Variants in ITPR2 observed in about 807,000 individuals in gnomAD.
ITPR2 encodes inositol 1,4,5-trisphosphate receptor type 2.
A neutral mutation model predicts 317.1 loss-of-function variants in ITPR2; 207 were observed. The ratio of observed to expected loss-of-function variants is 0.65; its 90% CI spans 0.58 to 0.73. The LOEUF is 0.73. ITPR2 is among the 30% of genes least tolerant of loss of function. The probability of loss-of-function intolerance (pLI) is 0.00; values close to 1 mark genes in which losing one functional copy is unlikely to be tolerated. For synonymous variants in ITPR2, 1,156 were observed against 1,149.1 expected, an observed-to-expected ratio of 1.01 and a Z score of -0.12; for missense variants, 2,613 against 3,284.0, an observed-to-expected ratio of 0.80 and a Z score of 4.99.
intron 37 of ITPR2, among the ~76,000 whole-genome samples, chr12:26,530,667 C>T (rs1034426162): frequency 1.3e-5 from 2 of 152,144 alleles, no homozygotes; most frequent in Non-Finnish European, 2.9e-5. Flanking sequence ...TTCAATTCTC[C>T]CCTACTGGGT....
At chr12:26,545,494 A>G (rs1944374814) in intron 37 of ITPR2, among the ~76,000 whole-genome samples, 1 of 152,182 alleles carries the variant, frequency 6.6e-6, no homozygotes, top group African/African-American at 2.4e-5. Context: ...AGAAAAGGCA[A>G]GGAAATGAAC....
intron 37 of ITPR2, among the ~76,000 whole-genome samples, chr12:26,526,033 G>A (rs1398230000): frequency 6.6e-6 from 1 of 152,076 alleles, no homozygotes; most frequent in African/African-American, 2.4e-5. Flanking sequence ...CCAGCTCTTT[G>A]CTCACACTCT....
Position 26,602,601 on chromosome 12 carries a change from T to C in ITPR2, c.3552+16A>G, listed in dbSNP as rs1391855788. ...GCAAATATAAACCTATATAAGAATA[T>C]TTTGTATCTGCCGACCTCCTTTACA... On this transcript the variant is annotated intron_variant, in intron 27 of 56. Coordinates refer to ENST00000381340, the MANE Select transcript of ITPR2 (RefSeq NM_002223.4). The C allele has an allele frequency of 1.3e-6, 2 of 1,594,872 alleles. No individual in the cohort carries two copies. The highest frequency in any genetic ancestry group is 8.6e-7 in the Non-Finnish European group (1 of 1,163,850).
chr12:26,510,730 A>C (rs1249895149), intron 37 of ITPR2, among the ~76,000 whole-genome samples: 1 of 152,244 alleles, frequency 6.6e-6, no homozygotes, highest in East Asian at 1.9e-4. Flanking sequence ...GAATTAAACT[A>C]ATATTTGATT....
chr12:26,672,169 G>C (rs1947791231), intron 13 of ITPR2, among the ~76,000 whole-genome samples: 1 of 151,988 alleles, frequency 6.6e-6, no homozygotes, highest in African/African-American at 2.4e-5. Context: ...AGGATACCCA[G>C]GAATTGAACT....
chr12:26,784,766 C>A (rs1326843733), intron 2 of ITPR2, among the ~76,000 whole-genome samples: 1 of 149,460 alleles, frequency 6.7e-6, no homozygotes, highest in African/African-American at 2.5e-5. Flanking sequence ...GCCACCACCC[C>A]GTCTGGGAAG....
Position 26,483,790 on chromosome 12 carries a change from C to T in ITPR2, c.5920G>A (p.Gly1974Ser), listed in dbSNP as rs1203704238. The T allele has an allele frequency of 6.2e-7, 1 of 1,614,086 alleles. No individual in the cohort carries two copies. Residue 1974 changes from glycine (G) to serine (S), a missense_variant, in exon 42 of 57, where the codon GGT (glycine) becomes AGT (serine). This residue lies in a region of ITPR2 where 926 missense variants were observed against 1,072.8 expected (regional missense o/e 0.86). Transcript: ENST00000381340. ...ACATTCTTCTCATTGATGTAGAGAC[C>T]CAACAGGCCCAGGCCACCGGTTGTA... The part of the protein sequence containing the change: ...GSTTGGLGLL[G>S]LYINEKNVAL...
At chr12:26,528,809 T>C (rs1352591274) in intron 37 of ITPR2, among the ~76,000 whole-genome samples, 1 of 152,246 alleles carries the variant, frequency 6.6e-6, no homozygotes, top group Non-Finnish European at 1.5e-5. Context: ...TGAACCCATT[T>C]GCTGTGCTGT....
intron 34 of ITPR2, among the ~76,000 whole-genome samples, chr12:26,567,990 ATATATATTATATATAT>A (rs1565609687): frequency 0.082 from 597 of 7,310 alleles, 38 homozygotes; most frequent in Middle Eastern, 0.25. Context: ...ATATATATAT[ATATATATTATATATAT>A]TATATATATA....
intron 52 of ITPR2, among the ~76,000 whole-genome samples, chr12:26,407,968 C>T (rs1382350489): frequency 6.6e-6 from 1 of 152,206 alleles, no homozygotes; most frequent in African/African-American, 2.4e-5. Flanking sequence ...GGCCAGAACA[C>T]ACTTCTCCCT....
chr12:26,402,625 C>T (rs3782291), intron 52 of ITPR2, among the ~76,000 whole-genome samples: 9,369 of 152,184 alleles, frequency 0.062, 406 homozygotes, highest in South Asian at 0.1. Flanking sequence ...AGGAGAACAC[C>T]CTGGTCAGGT....
chr12:26,424,859 A>C (rs1207276734), intron 49 of ITPR2, among the ~76,000 whole-genome samples: 1 of 152,090 alleles, frequency 6.6e-6, no homozygotes, highest in Non-Finnish European at 1.5e-5. Flanking sequence ...TCCTGGGTTC[A>C]AGCGATTCTC....
At chr12:26,646,348 G>A (rs748688998) in intron 21 of ITPR2, among the ~76,000 whole-genome samples, 4 of 150,268 alleles carry the variant, frequency 2.7e-5, no homozygotes, top group Non-Finnish European at 3.0e-5. Flanking sequence ...TTTCTGCCCC[G>A]CCCCTCTCAT....
intron 4 of ITPR2, among the ~76,000 whole-genome samples, chr12:26,724,356 G>A (rs1054747527): frequency 2.0e-5 from 3 of 152,104 alleles, no homozygotes; most frequent in African/African-American, 7.2e-5. Flanking sequence ...TTAATCTAAA[G>A]GACTATTTCA....
At chr12:26,555,629 T>A (rs1591894290) in intron 36 of ITPR2, among the ~76,000 whole-genome samples, 1 of 152,204 alleles carries the variant, frequency 6.6e-6, no homozygotes, top group East Asian at 1.9e-4. Context: ...ATAATAGATC[T>A]GCAATACCAC....
At chr12:26,604,670 A>T (rs1272569569) in intron 26 of ITPR2, among the ~76,000 whole-genome samples, 1 of 152,270 alleles carries the variant, frequency 6.6e-6, no homozygotes, top group Non-Finnish European at 1.5e-5. Context: ...CTCCAGAGCT[A>T]TATCGCCTAG....
At chr12:26,553,801 G>A (rs753939645) in intron 36 of ITPR2, among the ~76,000 whole-genome samples, 10 of 151,990 alleles carry the variant, frequency 6.6e-5, no homozygotes, top group Non-Finnish European at 1.0e-4. Flanking sequence ...AAAGACCCCT[G>A]GCAAAGCTAT....
Position 26,654,027 on chromosome 12 carries a change from G to A in ITPR2, c.2689C>T (p.Gln897Ter), listed in dbSNP as rs1395017436. The A allele has an allele frequency of 1.3e-6, 2 of 1,589,112 alleles. No individual in the cohort carries two copies. The highest frequency in any genetic ancestry group is 1.7e-6 in the Non-Finnish European group (2 of 1,164,894). Residue 897 changes from glutamine (Q) to a stop codon, truncating the protein, a stop_gained, in exon 21 of 57, where the codon CAG becomes TAG. Coordinates refer to ENST00000381340, the MANE Select transcript of ITPR2 (RefSeq NM_002223.4). LOFTEE classifies it high-confidence loss of function. ...RTLLAILDIVQAPMSSYFERL... is the reference protein window; with the variant it reads ...RTLLAILDIV ...TCAAAGTATGATGACATGGGGGCCT[G>A]TACAATGTCTAAAATAGCCAGAAGT...
chr12:26,406,318 T>C (rs907540292), intron 52 of ITPR2: 1 of 151,962 alleles, frequency 6.6e-6, no homozygotes, highest in Non-Finnish European at 1.5e-5. Flanking sequence ...TTTTTACTTA[T>C]AAAATAATTG....
Sources: gnomAD v4.1 joint callset for allele counts (sites outside exome capture counted in the v4.1 genomes callset) on GRCh38, gnomAD v4.1.1 for gene constraint, gnomAD v4.1.1 regional missense constraint, MANE v1.5 for transcripts, NCBI Gene and HGNC (gene_info 2026-07-23, HGNC 2026-07-21) for gene names.